INPP4A: variants seen among roughly 807,000 people sequenced by gnomAD.
INPP4A encodes inositol polyphosphate-4-phosphatase, type I, 107kD.
A neutral mutation model predicts 119.8 loss-of-function variants in INPP4A; 33 were observed. That is an observed-to-expected ratio of 0.28 (90% confidence interval 0.21 to 0.37). The LOEUF (loss-of-function observed/expected upper bound fraction) is 0.37, where lower values mean the gene tolerates loss of function less well. Among genes scored for constraint, INPP4A ranks in the 10% least tolerant of loss-of-function variants. The pLI is 1.00. For synonymous variants in INPP4A, 496 were observed against 500.7 expected (o/e 0.99, Z 0.12); for missense variants, 956 against 1,289.9 (o/e 0.74, Z 3.97).
chr2:98,572,771 C>T, intron 22 of INPP4A, 44 bp from the exon 23 acceptor site: 5 of 1,416,226 alleles, frequency 3.5e-6, no homozygotes, highest in Non-Finnish European at 4.8e-6. Context: ...CGGGGGAGTT[C>T]CTGGGTGCGT....
intron 17 of INPP4A, among the ~76,000 whole-genome samples, chr2:98,560,482 C>A (rs975814496): frequency 2.0e-5 from 3 of 152,156 alleles, no homozygotes; most frequent in Non-Finnish European, 2.9e-5. Context: ...AGCTCATTGG[C>A]GGGCTAATCT....
chr2:98,506,293 A>G (rs1175149939), intron 1 of INPP4A, among the ~76,000 whole-genome samples: 2 of 152,252 alleles, frequency 1.3e-5, no homozygotes, highest in Non-Finnish European at 2.9e-5. Flanking sequence ...CATATCGGAA[A>G]GAGCACTGGA....
intron 17 of INPP4A, among the ~76,000 whole-genome samples, chr2:98,559,779 T>C (rs1695137560): frequency 6.6e-6 from 1 of 152,238 alleles, no homozygotes; most frequent in African/African-American, 2.4e-5. Flanking sequence ...GTGGTTGACC[T>C]GAGGTAGGGA....
At chr2:98,581,866 A>C in intron 24 of INPP4A, 1 of 1,442,134 alleles carries the variant, frequency 6.9e-7, no homozygotes, top group Non-Finnish European at 9.1e-7. Context: ...GTGGTCTGCC[A>C]AGAAATATTT....
chr2:98,473,128 TG>T lies in INPP4A; in HGVS notation c.-166+28046del, dbSNP rs148768446. Among the ~76,000 whole-genome samples the T allele has an allele frequency of 6.5e-3, 921 of 141,648 alleles. 25 individuals carry two copies. Among genetic ancestry groups the T allele is most frequent in the African/African-American group, 0.024 (864 of 35,874 alleles). 92.9% of individuals were successfully genotyped at this position (141,648 alleles called of 152,430 possible). On this transcript the variant is annotated intron_variant, in intron 1 of 24. Transcript: ENST00000409851. The stretch of plus-strand genomic sequence containing the variant: ...GCAGTGTAGAGTGAGGAGGGCAGTG[TG>T]GGTGCAGTGAAGAGTGTGGAGGGCA...
intron 1 of INPP4A, among the ~76,000 whole-genome samples, chr2:98,464,366 G>A (rs1381798297): frequency 6.6e-6 from 1 of 152,180 alleles, no homozygotes; most frequent in Non-Finnish European, 1.5e-5. Flanking sequence ...CACATGGTGG[G>A]TTTCGACACT....
At position 98,503,942 on chromosome 2, in the gene INPP4A, G is replaced by T. The variant is rs541706613; in HGVS notation, c.-165-15022G>T. ...TGTCAGTTGGCACTTGTCCCTACATGGTTGAACTTACTCAACCACAGCTCT... is the reference window on the plus strand; with the variant it reads ...TGTCAGTTGGCACTTGTCCCTACATTGTTGAACTTACTCAACCACAGCTCT... On this transcript the variant is annotated intron_variant, in intron 1 of 24. Coordinates refer to ENST00000409851, the MANE Select transcript of INPP4A (RefSeq NM_001134225.2). Among the ~76,000 whole-genome samples, 3 of 152,354 alleles carry T rather than the reference G, an allele frequency of 2.0e-5. No individual in the cohort carries two copies. In the South Asian group the frequency reaches 6.2e-4, roughly 32 times the overall value.
intron 1 of INPP4A, among the ~76,000 whole-genome samples, chr2:98,491,644 T>C (rs2105242526): frequency 6.6e-6 from 1 of 152,316 alleles, no homozygotes; most frequent in Middle Eastern, 3.4e-3. Flanking sequence ...TTGTACACAG[T>C]CACCTACCTG....
intron 1 of INPP4A, among the ~76,000 whole-genome samples, chr2:98,449,561 T>G (rs1694869907): frequency 6.6e-6 from 1 of 152,226 alleles, no homozygotes; most frequent in Admixed American, 6.5e-5. Flanking sequence ...CAGCTTATAC[T>G]TTCCTTGTCC....
chr2:98,469,799 C>A (rs916641693), intron 1 of INPP4A, among the ~76,000 whole-genome samples: 2 of 152,048 alleles, frequency 1.3e-5, no homozygotes, highest in Admixed American at 6.6e-5. Flanking sequence ...AAAGAAATTC[C>A]GTCTCAAACA....
chr2:98,477,863 C>T (rs886616622), intron 1 of INPP4A, among the ~76,000 whole-genome samples: 5 of 152,214 alleles, frequency 3.3e-5, no homozygotes, highest in Non-Finnish European at 7.3e-5. Flanking sequence ...GGGAAGAGAG[C>T]CACATGGCAT....
chr2:98,535,562 TTTTG>T (rs1244240479), intron 5 of INPP4A, among the ~76,000 whole-genome samples, 163 bp from the exon 6 acceptor site: 1 of 152,216 alleles, frequency 6.6e-6, no homozygotes, highest in Admixed American at 6.5e-5. Context: ...AGCAGAGTTT[TTTTG>T]TTTGTTTGTT....
At chr2:98,497,847 T>C (rs2309390) in intron 1 of INPP4A, among the ~76,000 whole-genome samples, 42,045 of 152,068 alleles carry the variant, frequency 0.28, 5,877 homozygotes, top group Middle Eastern at 0.35. Flanking sequence ...TTGACTGCCC[T>C]GTTGGATTTC....
rs146182860 is a variant in INPP4A, at chr2:98,517,553, G to T, written c.-165-1411G>T. On this transcript the variant is annotated intron_variant, in intron 1 of 24. Coordinates refer to ENST00000409851, the MANE Select transcript of INPP4A (RefSeq NM_001134225.2). ...TCATTTTTGCTATTCCAGTGCTTGT[G>T]CAGAGGTATCTCATGGGTTCAGTTT... is the stretch of plus-strand genomic sequence containing the variant. 1.8e-3 allele frequency among the ~76,000 whole-genome samples: 268 copies of T among 152,312 alleles called. 1 individual carries two copies. The highest frequency in any genetic ancestry group is 8.1e-3 in the South Asian group (39 of 4,828).
intron 1 of INPP4A, among the ~76,000 whole-genome samples, chr2:98,461,779 G>A (rs1019264449): frequency 5.9e-5 from 9 of 152,206 alleles, no homozygotes; most frequent in African/African-American, 2.2e-4. Context: ...TGCTCGCTGT[G>A]TGCCTCTTCT....
At chr2:98,447,050 G>A (rs1174099608) in intron 1 of INPP4A, among the ~76,000 whole-genome samples, 1 of 152,178 alleles carries the variant, frequency 6.6e-6, no homozygotes, top group African/African-American at 2.4e-5. Context: ...TGGACCTGAA[G>A]GCGGTGTGGG....
In INPP4A at chr2:98,540,456, A is replaced by G. The variant is rs1305318755; in HGVS notation, c.818+781A>G. ...ATATTTTGTCAGTTCTAAGGTGAGG[A>G]GAAGCCCAACAGGTGGCCCAGGCCG... On this transcript the variant is annotated intron_variant, in intron 10 of 24. Transcript: ENST00000409851. Among the ~76,000 whole-genome samples, 2 of 152,246 alleles carry G rather than the reference A, an allele frequency of 1.3e-5. 1 individual carries two copies. Among genetic ancestry groups the G allele is most frequent in the South Asian group, 4.1e-4 (2 of 4,830 alleles).
Position 98,520,132 on chromosome 2 carries a change from C to T in INPP4A, c.84C>T (p.Asp28=). Residue 28 remains aspartate (D), a synonymous_variant, in exon 3 of 25, where the codon GAC becomes GAT. Transcript: ENST00000409851. Reference sequence around the variant, plus strand: ...CTTCCACCATCGACGTGGCGGCCGACATGCTGGGCCTCTCTCTGGCAGGTG... The same window carrying T: ...CTTCCACCATCGACGTGGCGGCCGATATGCTGGGCCTCTCTCTGGCAGGTG... ...QRASTIDVAA[D]MLGLSLAGNI... 1.3e-6 allele frequency: 2 copies of T among 1,560,746 alleles called. No individual in the cohort carries two copies. The highest frequency in any genetic ancestry group is 1.7e-6 in the Non-Finnish European group (2 of 1,151,574).
chr2:98,480,457 C>T (rs774788023), intron 1 of INPP4A, among the ~76,000 whole-genome samples: 10 of 152,192 alleles, frequency 6.6e-5, no homozygotes, highest in East Asian at 1.9e-4. Flanking sequence ...TATGCTCTTA[C>T]GACACAGAGC....
Sources: gnomAD v4.1 joint callset for allele counts (sites outside exome capture counted in the v4.1 genomes callset) on GRCh38, gnomAD v4.1.1 for gene constraint, MANE v1.5 for transcripts, NCBI Gene and HGNC (gene_info 2026-07-23, HGNC 2026-07-21) for gene names.